Variants in PHF21A observed in about 807,000 individuals in gnomAD.
PHF21A encodes PHD finger protein 21A, also known as BHC80a.
A neutral mutation model predicts 82.5 loss-of-function variants in PHF21A; 11 were observed. The ratio of observed to expected loss-of-function variants is 0.13; its 90% CI spans 0.08 to 0.22. PHF21A has a LOEUF of 0.22. PHF21A is among the 10% of genes least tolerant of loss of function. The pLI is 1.00. For missense variants in PHF21A, 579 were observed against 837.8 expected, an observed-to-expected ratio of 0.69 and a Z score of 3.81; for synonymous variants, 297 against 302.8, an observed-to-expected ratio of 0.98 and a Z score of 0.20.
At chr11:46,018,106 C>T (rs1042614915) in intron 6 of PHF21A, among the ~76,000 whole-genome samples, 12 of 151,764 alleles carry the variant, frequency 7.9e-5, no homozygotes, top group African/African-American at 2.4e-4. Context: ...AAAAATTAGC[C>T]GGGCGTAGTG....
intron 10 of PHF21A, among the ~76,000 whole-genome samples, chr11:45,958,306 G>A (rs1432612545): frequency 3.4e-5 from 5 of 145,792 alleles, no homozygotes; most frequent in Admixed American, 7.0e-5. Context: ...TGGGCTGGGC[G>A]TGGTGGCTCA....
chr11:45,972,967 A>G (rs2093847530), intron 7 of PHF21A, among the ~76,000 whole-genome samples: 1 of 152,052 alleles, frequency 6.6e-6, no homozygotes, highest in Non-Finnish European at 1.5e-5. Flanking sequence ...AATCCCAGCT[A>G]CTCGGGAGGC....
intron 6 of PHF21A, among the ~76,000 whole-genome samples, chr11:46,025,508 T>C (rs533816475): frequency 1.6e-4 from 24 of 152,356 alleles, no homozygotes; most frequent in Admixed American, 1.4e-3. Context: ...CATGTATAGC[T>C]CTGGACTACA....
At chr11:46,019,559 T>C (rs902473817) in intron 6 of PHF21A, among the ~76,000 whole-genome samples, 5 of 152,182 alleles carry the variant, frequency 3.3e-5, no homozygotes, top group Non-Finnish European at 7.4e-5. Context: ...GGAGTAGATA[T>C]TATGGAGTAC....
Position 45,936,521 on chromosome 11 carries a change from C to G in PHF21A, c.1657G>C (p.Val553Leu). The change falls in exon 17 of 19, where the codon GTT becomes CTT. Residue 553 changes from valine (V) to leucine (L), a missense_variant. This residue lies in a region of PHF21A where 410 missense variants were observed against 642.1 expected (regional missense o/e 0.64). Coordinates refer to ENST00000676320, the MANE Select transcript of PHF21A (RefSeq NM_001352027.3). ...AIPWPGTLAI[V>L]HSYIAYKAAK... The stretch of plus-strand genomic sequence containing the variant: ...GCTTTGTAGGCAATATAGGAATGAA[C>G]AATTGCTAAAGTTCCAGGCCATGGA... The G allele has an allele frequency of 6.2e-7, 1 of 1,612,766 alleles. No homozygotes were observed. The highest frequency in any genetic ancestry group is 8.5e-7 in the Non-Finnish European group (1 of 1,178,898).
chr11:46,117,223 T>C (rs1851586726), intron 1 of PHF21A: 1 of 152,218 alleles, frequency 6.6e-6, no homozygotes, highest in African/African-American at 2.4e-5. Context: ...AGCAGATTTA[T>C]CAAACTTTCT....
intron 1 of PHF21A, among the ~76,000 whole-genome samples, chr11:46,113,824 CA>C (rs34398600): frequency 0.22 from 17,343 of 77,376 alleles, 1,707 homozygotes; most frequent in East Asian, 0.59. Flanking sequence ...GATTCATTCT[CA>C]AAAAAAAAAA....
chr11:46,047,830 A>C (rs2096278885), intron 6 of PHF21A, among the ~76,000 whole-genome samples: 1 of 152,236 alleles, frequency 6.6e-6, no homozygotes, highest in African/African-American at 2.4e-5. Context: ...AACTCTGGGT[A>C]AACAATGGCA....
intron 1 of PHF21A, among the ~76,000 whole-genome samples, chr11:46,109,217 C>T (rs1368822906): frequency 2.0e-5 from 3 of 152,120 alleles, no homozygotes; most frequent in Admixed American, 6.5e-5. Flanking sequence ...CTATGTGATC[C>T]GAGGGAAACC....
At chr11:45,982,697 A>T (rs1252680826) in intron 6 of PHF21A, among the ~76,000 whole-genome samples, 2 of 152,152 alleles carry the variant, frequency 1.3e-5, no homozygotes, top group Non-Finnish European at 2.9e-5. Flanking sequence ...TCCCCATCAG[A>T]CATCAAACAT....
intron 7 of PHF21A, among the ~76,000 whole-genome samples, chr11:45,975,605 C>G (rs1010290374): frequency 4.6e-5 from 7 of 152,148 alleles, no homozygotes; most frequent in Non-Finnish European, 1.0e-4. Context: ...TTCTTCTTTA[C>G]ATTTGCATTA....
At chr11:45,939,244 C>T (rs191964525) in intron 15 of PHF21A, among the ~76,000 whole-genome samples, 4 of 152,308 alleles carry the variant, frequency 2.6e-5, no homozygotes, top group Admixed American at 2.6e-4. Context: ...GGACAACCTA[C>T]ATATCATAAA....
intron 15 of PHF21A, among the ~76,000 whole-genome samples, chr11:45,940,452 C>T (rs987249369): frequency 6.6e-6 from 1 of 152,104 alleles, no homozygotes; most frequent in Non-Finnish European, 1.5e-5. Flanking sequence ...CCTCGGCCTC[C>T]CAAAGTGCTG....
chr11:46,011,871 G>A (rs578032617), intron 6 of PHF21A, among the ~76,000 whole-genome samples: 12 of 152,202 alleles, frequency 7.9e-5, no homozygotes, highest in African/African-American at 2.9e-4. Context: ...AAAACAAAAA[G>A]AGCAAAAACT....
At chr11:45,971,890 C>CTTTTTTTTTTTTTTTTTTTT (rs377734291) in intron 7 of PHF21A, among the ~76,000 whole-genome samples, 11 of 50,292 alleles carry the variant, frequency 2.2e-4, no homozygotes, top group Admixed American at 6.4e-4. Flanking sequence ...CTTTTTCTTT[C>CTTTTTTTTTTTTTTTTTTTT]TTTTTTTTTT....
chr11:45,954,587 T>C (rs1565234648), intron 10 of PHF21A, among the ~76,000 whole-genome samples: 1 of 152,198 alleles, frequency 6.6e-6, no homozygotes, highest in East Asian at 1.9e-4. Context: ...ACCAGTTGAT[T>C]ACCATCTTCA....
intron 6 of PHF21A, among the ~76,000 whole-genome samples, chr11:46,070,833 T>C (rs1421480976): frequency 6.6e-6 from 1 of 152,152 alleles, no homozygotes; most frequent in East Asian, 1.9e-4. Context: ...CTTTGAAAAA[T>C]ATACTTCCTG....
intron 6 of PHF21A, among the ~76,000 whole-genome samples, chr11:46,053,008 T>C (rs989414805): frequency 6.6e-6 from 1 of 152,190 alleles, no homozygotes; most frequent in African/African-American, 2.4e-5. Flanking sequence ...GAAAAGAAGC[T>C]ACCTCTACAC....
At chr11:45,958,449 T>TATATATATATACAC (rs780397923) in intron 10 of PHF21A, among the ~76,000 whole-genome samples, 12 of 15,074 alleles carry the variant, frequency 8.0e-4, no homozygotes, top group African/African-American at 2.1e-3. Context: ...TATATATATA[T>TATATATATATACAC]ACACACACAC....
Sources: allele counts gnomAD v4.1 joint callset (sites outside exome capture counted in the v4.1 genomes callset), GRCh38; gene constraint gnomAD v4.1.1; regional missense constraint gnomAD v4.1.1; transcripts MANE v1.5; gene names NCBI Gene and HGNC (gene_info 2026-07-23, HGNC 2026-07-21).